The following SH3TC1 variants were observed in gnomAD, a reference collection of about 807,000 sequenced individuals.
SH3TC1 encodes the protein SH3 domain and tetratricopeptide repeat-containing protein 1.
Under a neutral mutation model 117.3 loss-of-function variants are expected in SH3TC1, and 135 were observed. The ratio of observed to expected loss-of-function variants is 1.15; its 90% CI spans 1.00 to 1.33. The LOEUF is 1.33. Ranked by LOEUF, SH3TC1 falls within the 40% of genes most tolerant of loss-of-function variation. SH3TC1 has a pLI of 0.00. For synonymous variants in SH3TC1, 898 were observed against 816.9 expected (o/e 1.10, Z -1.69); for missense variants, 2,092 against 1,794.3 (o/e 1.17, Z -3.00).
chr4:8,184,579 A>T (rs1017403918), intron 1 of SH3TC1, among the ~76,000 whole-genome samples: 1 of 151,994 alleles, frequency 6.6e-6, no homozygotes, highest in South Asian at 2.1e-4. Flanking sequence ...GGGTCTCATC[A>T]TGTTGCTCAG....
chr4:8,213,568 C>G (rs1718940935), intron 4 of SH3TC1, among the ~76,000 whole-genome samples: 1 of 152,178 alleles, frequency 6.6e-6, no homozygotes, highest in South Asian at 2.1e-4. Flanking sequence ...GTTTGAATCT[C>G]AGCTGAGCCA....
upstream of SH3TC1, among the ~76,000 whole-genome samples, chr4:8,198,921 G>A (rs139177444): frequency 3.1e-3 from 470 of 152,368 alleles, 5 homozygotes; most frequent in African/African-American, 0.011. Flanking sequence ...GTGTGTGCAT[G>A]CATGTATGTG....
chr4:8,182,971 A>G (rs1389341605), intron 1 of SH3TC1, among the ~76,000 whole-genome samples: 1 of 152,260 alleles, frequency 6.6e-6, no homozygotes. Flanking sequence ...TGAAGGAGGC[A>G]GGGACTGGAC....
rs753446847 is a variant in SH3TC1, at chr4:8,237,706, G to T, written c.3753+36G>T. On this transcript the variant is annotated intron_variant, in intron 17 of 17. Coordinates refer to ENST00000245105, the MANE Select transcript of SH3TC1 (RefSeq NM_018986.5). Reference sequence around the variant, plus strand: ...AGGGGCTGGGCTCAGGGTGTTCCCGGCCCCCTTGGAGTGGGATCTCCACCC... The same window carrying T: ...AGGGGCTGGGCTCAGGGTGTTCCCGTCCCCCTTGGAGTGGGATCTCCACCC... The T allele has an allele frequency of 1.9e-6, 3 of 1,554,022 alleles. No individual in the cohort carries two copies. In the South Asian group the frequency reaches 3.7e-5, roughly 19 times the overall value.
At position 8,214,420 on chromosome 4, in the gene SH3TC1, A is replaced by T. The variant is rs1206640349; in HGVS notation, c.376-55A>T. Reference sequence around the variant, plus strand: ...CTGTCATGTGGACGCTGTCCTCCTGACAGATGCCCCAGAGCTCCTGGGGAC... The same window carrying T: ...CTGTCATGTGGACGCTGTCCTCCTGTCAGATGCCCCAGAGCTCCTGGGGAC... On this transcript the variant is annotated intron_variant, in intron 4 of 17. Transcript: ENST00000245105. The T allele has an allele frequency of 2.0e-6, 3 of 1,533,952 alleles. No individual in the cohort carries two copies. The African/African-American group carries it at 4.1e-5, about 21-fold the overall frequency.
chr4:8,188,378 T>G (rs983516978), intron 1 of SH3TC1, among the ~76,000 whole-genome samples: 2 of 152,214 alleles, frequency 1.3e-5, no homozygotes, highest in Non-Finnish European at 1.5e-5. Context: ...CAACACCGCC[T>G]GCTGACCCTG....
In SH3TC1 at chr4:8,218,359, C is replaced by T; in HGVS notation, c.916+12C>T. On this transcript the variant is annotated intron_variant, in intron 8 of 17. Transcript: ENST00000245105. ...CAACCCGCTGATGGGTAAGTGTTTC[C>T]ATGGGCCTCTCTTTTTTGGGGAAAT... 6.3e-7 allele frequency: 1 copy of T among 1,599,512 alleles called. No individual in the cohort carries two copies. Among genetic ancestry groups the T allele is most frequent in the Non-Finnish European group, 8.6e-7 (1 of 1,169,536 alleles).
At chr4:8,187,676 C>T (rs914931073) in intron 1 of SH3TC1, among the ~76,000 whole-genome samples, 5 of 151,788 alleles carry the variant, frequency 3.3e-5, no homozygotes, top group African/African-American at 9.7e-5. Flanking sequence ...GGCAGCTGCC[C>T]GAGTAGCTGG....
chr4:8,234,600 C>T (rs1489653085), intron 14 of SH3TC1, among the ~76,000 whole-genome samples: 1 of 149,354 alleles, frequency 6.7e-6, no homozygotes, highest in Non-Finnish European at 1.5e-5. Flanking sequence ...TCCATCCATC[C>T]ATCCATGTAC....
intron 16 of SH3TC1, 36 bp downstream of exon 16, chr4:8,236,464 C>T: frequency 2.8e-6 from 4 of 1,412,964 alleles, no homozygotes; most frequent in Non-Finnish European, 3.7e-6. Flanking sequence ...CCAGGACCCA[C>T]ACTTTGCCAG....
intron 7 of SH3TC1, among the ~76,000 whole-genome samples, chr4:8,217,663 G>A (rs1249762303): frequency 6.6e-6 from 1 of 152,232 alleles, no homozygotes; most frequent in South Asian, 2.1e-4. Context: ...TGTCTCAAGT[G>A]ACAGGCTGTG....
At position 8,205,711 on chromosome 4, in the gene SH3TC1, C is replaced by T; in HGVS notation, c.172+345C>T. The T allele has an allele frequency of 1.4e-6, 1 of 706,134 alleles. No individual in the cohort carries two copies. The highest frequency in any genetic ancestry group is 1.5e-5 in the South Asian group (1 of 68,838). The allele number at this position is 706,134 out of a possible 1,614,324, so 43.7% of individuals were successfully genotyped here. ...GTTTGGCCTTGGAACCCCTGAGAGT[C>T]CTCAGGATGAGGCATCCTCGTTCTC... On this transcript the variant is annotated intron_variant, in intron 2 of 17. Coordinates refer to ENST00000245105, the MANE Select transcript of SH3TC1 (RefSeq NM_018986.5). This position sits in a 1 kb window ranked among gnomAD's most constrained non-coding sequence, Gnocchi z 5.4.
Position 8,192,318 on chromosome 4 carries a change from G to C in SH3TC1, c.-57+10108G>C, listed in dbSNP as rs1055189634. ...GCCCTCAGTCACCTTTAAAATGAAA[G>C]GGCCACGGAATCACCAGGAACTCTC... On this transcript the variant is annotated intron_variant, in intron 1 of 16. Coordinates refer to the SH3TC1 transcript ENST00000508641. The surrounding 1 kb of genome is among the most constrained non-coding windows in gnomAD (Gnocchi z 4.1). Among the ~76,000 whole-genome samples the C allele has an allele frequency of 6.6e-6, 1 of 151,334 alleles. No homozygotes were observed. Among genetic ancestry groups the C allele is most frequent in the Non-Finnish European group, 1.5e-5 (1 of 67,810 alleles).
At chr4:8,194,256 G>T (rs957975289) in intron 1 of SH3TC1, among the ~76,000 whole-genome samples, 3 of 152,222 alleles carry the variant, frequency 2.0e-5, no homozygotes, top group African/African-American at 7.2e-5. Context: ...CTCTGTCCCA[G>T]GTGGGCCAGA....
chr4:8,217,111 G>A lies in SH3TC1; in HGVS notation c.783G>A (p.Val261=), dbSNP rs1719367653. ...ACTCTTCACCGCCGAGCCCCAGCGT[G>A]TCCTCCGAGGAGGTGGCAGTGGCGG... ...ETDSSPPSPS[V]SSEEVAVAAA... is the part of the protein sequence containing the mutation. The change falls in exon 7 of 18, where the codon GTG becomes GTA. Residue 261 remains valine (V), a synonymous_variant. Transcript: ENST00000245105. The A allele has an allele frequency of 6.2e-7, 1 of 1,613,646 alleles. No homozygotes were observed. The highest frequency in any genetic ancestry group is 1.3e-5 in the African/African-American group (1 of 74,942).
At chr4:8,204,910 G>A (rs956963413) in intron 1 of SH3TC1, 26 of 311,810 alleles carry the variant, frequency 8.3e-5, no homozygotes, top group Admixed American at 2.5e-4. Flanking sequence ...GGGGACTCCA[G>A]GCAGAAAACC....
rs1281144 is a variant in SH3TC1, at chr4:8,225,925, T to C, written c.1285+709T>C. On this transcript the variant is annotated intron_variant, in intron 11 of 17. Coordinates refer to ENST00000245105, the MANE Select transcript of SH3TC1 (RefSeq NM_018986.5). The surrounding 1 kb of genome is among the most constrained non-coding windows in gnomAD (Gnocchi z 5.5). ...CCTCTGCCGAAGTCCCTGGAGCAAATGCGAGTGACTCCAGCTGCCCCCAAG... is the reference window on the plus strand; with the variant it reads ...CCTCTGCCGAAGTCCCTGGAGCAAACGCGAGTGACTCCAGCTGCCCCCAAG... Among the ~76,000 whole-genome samples, 774 of 151,792 alleles carry C rather than the reference T, an allele frequency of 5.1e-3. 7 individuals are homozygous for C. Among genetic ancestry groups the C allele is most frequent in the African/African-American group, 0.017 (718 of 41,378 alleles).
chr4:8,225,258 T>C lies in SH3TC1; in HGVS notation c.1285+42T>C, dbSNP rs1445528225. The C allele has an allele frequency of 3.1e-6, 5 of 1,599,642 alleles. No homozygotes were observed. The highest frequency in any genetic ancestry group is 1.7e-4 in the Middle Eastern group (1 of 6,004). Reference sequence around the variant, plus strand: ...GCTCAGGCTTCCTCTGGTTATGAGCTGGGCCTTGGGGTAACGCTGGGGGAG... The same window carrying C: ...GCTCAGGCTTCCTCTGGTTATGAGCCGGGCCTTGGGGTAACGCTGGGGGAG... On this transcript the variant is annotated intron_variant, in intron 11 of 17. Transcript: ENST00000245105. This position sits in a 1 kb window ranked among gnomAD's most constrained non-coding sequence, Gnocchi z 5.5.
Position 8,219,376 on chromosome 4 carries a change from G to A in SH3TC1, c.958G>A (p.Gly320Arg). Residue 320 changes from glycine to arginine, a missense_variant, in exon 9 of 18, where the codon GGG (glycine) becomes AGG (arginine). Coordinates refer to ENST00000245105, the MANE Select transcript of SH3TC1 (RefSeq NM_018986.5). ...GGCATTGGCAGACTTCCAGGGCTCGGGGCCCGAAGAGATGACCTTCCGAGG... is the reference window on the plus strand; with the variant it reads ...GGCATTGGCAGACTTCCAGGGCTCGAGGCCCGAAGAGATGACCTTCCGAGG... The part of the protein sequence containing the change: ...ASALADFQGS[G>R]PEEMTFRGGD... 1 of 1,607,530 alleles carries A rather than the reference G, an allele frequency of 6.2e-7. No homozygotes were observed. Among genetic ancestry groups the A allele is most frequent in the Non-Finnish European group, 8.5e-7 (1 of 1,175,884 alleles).
Sources: gnomAD v4.1 joint callset for allele counts (sites outside exome capture counted in the v4.1 genomes callset) on GRCh38, gnomAD v4.1.1 for gene constraint, Gnocchi (gnomAD v3.1) non-coding constraint, MANE v1.5 for transcripts, NCBI Gene and HGNC (gene_info 2026-07-23, HGNC 2026-07-21) for gene names.